The following GAS2L2 variants were observed in gnomAD, a reference collection of about 807,000 sequenced individuals.
The protein encoded by GAS2L2 is growth arrest specific 2 like 2, also known as GAS2-like protein 2.
In GAS2L2, 21 loss-of-function variants were observed where a neutral mutation model predicts 35.2. The ratio of observed to expected loss-of-function variants is 0.60; its 90% CI spans 0.42 to 0.86. GAS2L2 has a LOEUF of 0.86. Ranked by LOEUF, GAS2L2 falls within the 40% of genes least tolerant of loss-of-function variation. GAS2L2 has a pLI of 0.00. For missense variants in GAS2L2, 1,169 were observed against 1,144.4 expected (o/e 1.02, Z -0.31); for synonymous variants, 490 against 473.2 (o/e 1.04, Z -0.46).
intron 3 of GAS2L2, among the ~76,000 whole-genome samples, chr17:35,748,675 C>T (rs1318054750): frequency 6.6e-6 from 1 of 152,246 alleles, no homozygotes; most frequent in Non-Finnish European, 1.5e-5. Context: ...GGGCCGTGCA[C>T]TGAAACCAAA....
At chr17:35,752,362 G>C (rs1174653021) in intron 1 of GAS2L2, 104 bp downstream of exon 1, 1 of 1,172,424 alleles carries the variant, frequency 8.5e-7, no homozygotes, top group Non-Finnish European at 1.2e-6. Flanking sequence ...TCTAGAATGA[G>C]GATCCAGGCT....
At position 35,749,260 on chromosome 17, in the gene GAS2L2, T is replaced by C. The variant is rs910962526; in HGVS notation, c.628-43A>G. The C allele has an allele frequency of 3.0e-6, 4 of 1,319,620 alleles. No homozygotes were observed. The African/African-American group carries it at 4.4e-5, about 14-fold the overall frequency. The allele number at this position is 1,319,620 out of a possible 1,614,324, so 81.7% of individuals were successfully genotyped here. ...ACTCAGCCCTCTCCTTTGCCCACTC[T>C]GGGTCAAAATGGGGGGCCTACCTGC... On this transcript the variant is annotated intron_variant, in intron 2 of 5. Coordinates refer to ENST00000604641, the MANE Select transcript of GAS2L2 (RefSeq NM_139285.4).
At position 35,747,832 on chromosome 17, in the gene GAS2L2, G is replaced by A. The variant is rs781925735; in HGVS notation, c.832+17C>T. ...CTTCAACCAACCCCACAGGGAGAGG[G>A]CCCTCAGGGGACTCACAGAGGGATG... On this transcript the variant is annotated intron_variant, in intron 4 of 5. Transcript: ENST00000604641. 3 of 1,597,598 alleles carry A rather than the reference G, an allele frequency of 1.9e-6. No homozygotes were observed. Among genetic ancestry groups the A allele is most frequent in the South Asian group, 1.1e-5 (1 of 90,762 alleles).
intron 3 of GAS2L2, among the ~76,000 whole-genome samples, chr17:35,748,498 G>T (rs1489359356): frequency 6.6e-6 from 1 of 152,262 alleles, no homozygotes; most frequent in East Asian, 1.9e-4. Flanking sequence ...AAATGGCTGG[G>T]CCATGCCCCG....
In GAS2L2 at chr17:35,752,929, T is replaced by A; in HGVS notation, c.-79A>T. ...TCTTTCCTCCCGCTGCTGCTGGGTCTCGGCTGGGTTCTTCCTGATTCTGAG... is the reference window on the plus strand; with the variant it reads ...TCTTTCCTCCCGCTGCTGCTGGGTCACGGCTGGGTTCTTCCTGATTCTGAG... On this transcript the variant is annotated 5_prime_UTR_variant, in exon 1 of 6. Transcript: ENST00000604641. 1 of 1,437,136 alleles carries A rather than the reference T, an allele frequency of 7.0e-7. No individual in the cohort carries two copies. Among genetic ancestry groups the A allele is most frequent in the Non-Finnish European group, 9.3e-7 (1 of 1,076,100 alleles). The allele number at this position is 1,437,136 out of a possible 1,614,324, so 89.0% of individuals were successfully genotyped here.
chr17:35,749,035 G>C (rs2085686588), intron 3 of GAS2L2, 75 bp downstream of exon 3: 2 of 871,322 alleles, frequency 2.3e-6, no homozygotes, highest in Non-Finnish European at 3.7e-6. Flanking sequence ...TATTCTGGGA[G>C]ACTTAGTGTC....
intron 3 of GAS2L2, among the ~76,000 whole-genome samples, chr17:35,748,876 G>A (rs1207509423): frequency 1.3e-5 from 2 of 152,164 alleles, no homozygotes; most frequent in Admixed American, 6.5e-5. Context: ...CCTTTGCCAG[G>A]AATCTCCTGG....
rs965220123 is a variant in GAS2L2 at position 35,744,716 on chromosome 17, A to C, written c.*138T>G. The C allele has an allele frequency of 3.0e-6, 2 of 672,652 alleles. No homozygotes were observed. Among genetic ancestry groups the C allele is most frequent in the Non-Finnish European group, 5.0e-6 (2 of 398,198 alleles). 41.7% of individuals were successfully genotyped at this position (672,652 alleles called of 1,614,324 possible). On this transcript the variant is annotated 3_prime_UTR_variant, in exon 6 of 6. Coordinates refer to ENST00000604641, the MANE Select transcript of GAS2L2 (RefSeq NM_139285.4). ...TTGCTCAGATGAGCAGATGGAGTCT[A>C]TATTTGTCTTCTGACCCACTCCTGC...
rs782501507 is a variant in GAS2L2 at position 35,745,701 on chromosome 17, G to A, written c.1796C>T (p.Ala599Val). The change falls in exon 6 of 6, where the codon GCC (alanine) becomes GTC (valine). Residue 599 changes from alanine to valine, a missense_variant. Transcript: ENST00000604641. The stretch of plus-strand genomic sequence containing the variant: ...CTCCTCTTCAAGGCTACAGTAGATG[G>A]CTTGCTCCTTGTTCCCGCCCAAGGG... ...PLPLGGNKEQ[A>V]IYCSLEEEIL... is the part of the protein sequence containing the mutation. 1.2e-6 allele frequency: 2 copies of A among 1,613,854 alleles called. No homozygotes were observed. Among genetic ancestry groups the A allele is most frequent in the South Asian group, 1.1e-5 (1 of 91,084 alleles).
At chr17:35,747,479 C>T (rs1440358336) in intron 4 of GAS2L2, among the ~76,000 whole-genome samples, 3 of 152,240 alleles carry the variant, frequency 2.0e-5, no homozygotes, top group African/African-American at 7.2e-5. Flanking sequence ...TGCGGGTACA[C>T]AACTTTCCCT....
chr17:35,750,371 C>T (rs2085696782), intron 1 of GAS2L2, 53 bp from the exon 2 acceptor site: 3 of 1,611,654 alleles, frequency 1.9e-6, no homozygotes, highest in Non-Finnish European at 2.5e-6. Context: ...CCCCAGAGGA[C>T]CTGAGCCTCC....
At position 35,752,383 on chromosome 17, in the gene GAS2L2, A is replaced by G. The variant is rs906518919; in HGVS notation, c.385+83T>C. 1.1e-5 allele frequency: 15 copies of G among 1,355,398 alleles called. No individual in the cohort carries two copies. The Admixed American group carries it at 1.4e-4, about 13-fold the overall frequency. 84.0% of individuals were successfully genotyped at this position (1,355,398 alleles called of 1,614,324 possible). On this transcript the variant is annotated intron_variant, in intron 1 of 5. Transcript: ENST00000604641. Reference sequence around the variant, plus strand: ...ATGAGGATCCAGGCTCCTGCCCCCCAGAGCTAGCCTGTGCATTTGAGAAAG... The same window carrying G: ...ATGAGGATCCAGGCTCCTGCCCCCCGGAGCTAGCCTGTGCATTTGAGAAAG...
At position 35,747,915 on chromosome 17, in the gene GAS2L2, C is replaced by A; in HGVS notation, c.766G>T (p.Gly256Trp). 1 of 1,613,944 alleles carries A rather than the reference C, an allele frequency of 6.2e-7. No individual in the cohort carries two copies. The highest frequency in any genetic ancestry group is 8.5e-7 in the Non-Finnish European group (1 of 1,179,894). ...TGGCCCAGTGTGTCCCAGCCGCCCCCTACACGTACCATCACATGGTTCCGG... is the reference window on the plus strand; with the variant it reads ...TGGCCCAGTGTGTCCCAGCCGCCCCATACACGTACCATCACATGGTTCCGG... Reference protein sequence around the residue: ...ILRNHVMVRVGGGWDTLGHYL... With the variant: ...ILRNHVMVRVWGGWDTLGHYL... The change falls in exon 4 of 6, where the codon GGG (glycine) becomes TGG (tryptophan). Residue 256 changes from glycine (G) to tryptophan (W), a missense_variant. By Grantham distance (184) the Gly-to-Trp change is radical (BLOSUM62 -2). Around this residue, in one of 3 missense-constraint regions of GAS2L2, gnomAD observed 1,035 missense variants for 976.5 expected, o/e 1.06. Coordinates refer to ENST00000604641, the MANE Select transcript of GAS2L2 (RefSeq NM_139285.4).
intron 5 of GAS2L2, 148 bp downstream of exon 5, chr17:35,746,868 G>T: frequency 1.4e-6 from 1 of 717,464 alleles, no homozygotes; most frequent in Non-Finnish European, 2.2e-6. Flanking sequence ...TTATCCCAAA[G>T]GTACTGGGTA....
intron 1 of GAS2L2, 54 bp from the exon 2 acceptor site, chr17:35,750,372 C>A: frequency 6.2e-7 from 1 of 1,612,046 alleles, no homozygotes; most frequent in Admixed American, 1.7e-5. Context: ...CCCAGAGGAC[C>A]TGAGCCTCCG....
rs781791810 is a variant in GAS2L2 at position 35,746,139 on chromosome 17, C to T, written c.1358G>A (p.Arg453Lys). 1.3e-6 allele frequency: 2 copies of T among 1,507,860 alleles called. No homozygotes were observed. Among genetic ancestry groups the T allele is most frequent in the Non-Finnish European group, 1.8e-6 (2 of 1,128,100 alleles). The allele number at this position is 1,507,860 out of a possible 1,614,324, so 93.4% of individuals were successfully genotyped here. A position where few individuals can be genotyped will look rare whatever the true frequency, so the allele number is the denominator to read the frequency against. Reference sequence around the variant, plus strand: ...GGAACGAGGCAGGGGAGATGGTCCTCTTGCTGATATCCCTTTGGTGGTGGC... The same window carrying T: ...GGAACGAGGCAGGGGAGATGGTCCTTTTGCTGATATCCCTTTGGTGGTGGC... ...IEATTKGISA[R>K]GPSPLPRSFG... Residue 453 changes from arginine to lysine, a missense_variant, in exon 6 of 6, where the codon AGA becomes AAA. Physicochemically the swap from Arg to Lys is conservative, Grantham distance 26 (BLOSUM62 2). Transcript: ENST00000604641.
At chr17:35,751,827 CCTCTACCT>C (rs1207062058) in intron 1 of GAS2L2, among the ~76,000 whole-genome samples, 40 of 149,854 alleles carry the variant, frequency 2.7e-4, no homozygotes, top group Non-Finnish European at 8.9e-5. Context: ...TGTATCTATC[CCTCTACCT>C]CTCTCTCTCT....
At position 35,745,953 on chromosome 17, in the gene GAS2L2, GGT is replaced by G; in HGVS notation, c.1542_1543del (p.Pro515ArgfsTer88). On this transcript the variant is annotated frameshift_variant, in exon 6 of 6. Coordinates refer to ENST00000604641, the MANE Select transcript of GAS2L2 (RefSeq NM_139285.4). LOFTEE classifies it low-confidence loss of function (END_TRUNC). ...TGTAGCACCAGGAAAGCTCCTTCCT[GGT>G]GTTGGGGGGCGAGCAGGGGGCAGCC... is the stretch of plus-strand genomic sequence containing the variant. The G allele has an allele frequency of 1.2e-6, 2 of 1,607,198 alleles. No homozygotes were observed. The highest frequency in any genetic ancestry group is 1.7e-6 in the Non-Finnish European group (2 of 1,175,220).
In GAS2L2 at chr17:35,750,244, G is replaced by C. The variant is rs1555599602; in HGVS notation, c.460C>G (p.Leu154Val). The C allele has an allele frequency of 6.2e-7, 1 of 1,613,906 alleles. No homozygotes were observed. Among genetic ancestry groups the C allele is most frequent in the African/African-American group, 1.3e-5 (1 of 74,924 alleles). The stretch of plus-strand genomic sequence containing the variant: ...CCAAAGCGCCACGCCCGGCGGCCCA[G>C]CTCCAGCAAACACAGCACCACGTTC... ...VKNVVLCLLE[L>V]GRRAWRFGVA... Residue 154 changes from leucine (L) to valine (V), a missense_variant, in exon 2 of 6, where the codon CTG becomes GTG. Leu to Val is a conservative substitution (Grantham distance 32). Coordinates refer to ENST00000604641, the MANE Select transcript of GAS2L2 (RefSeq NM_139285.4).
Sources: gnomAD v4.1 joint callset for allele counts (sites outside exome capture counted in the v4.1 genomes callset) on GRCh38, gnomAD v4.1.1 for gene constraint, gnomAD v4.1.1 regional missense constraint, MANE v1.5 for transcripts, NCBI Gene and HGNC (gene_info 2026-07-23, HGNC 2026-07-21) for gene names.